Variants in RNF150 observed in about 807,000 individuals in gnomAD.
The protein encoded by RNF150 is ring finger protein 150.
In RNF150, 24 loss-of-function variants were observed where a neutral mutation model predicts 39.3. That is an observed-to-expected ratio of 0.61 (90% CI 0.44 to 0.86). RNF150 has a LOEUF of 0.86. Ranked by LOEUF, RNF150 falls within the 40% of genes least tolerant of loss-of-function variation. The probability of loss-of-function intolerance (pLI) is 0.00; values close to 1 mark genes in which losing one functional copy is unlikely to be tolerated. For synonymous variants in RNF150, 255 were observed against 227.3 expected, an observed-to-expected ratio of 1.12 and a Z score of -1.10; for missense variants, 502 against 587.8, an observed-to-expected ratio of 0.85 and a Z score of 1.51.
chr4:141,066,241 G>GAA (rs34239483), intron 1 of RNF150, among the ~76,000 whole-genome samples: 131 of 146,406 alleles, frequency 8.9e-4, no homozygotes, highest in African/African-American at 3.3e-3. Context: ...GTATATGTGC[G>GAA]AAAAAAAAAA....
At chr4:140,957,388 A>C (rs1276558114) in intron 2 of RNF150, among the ~76,000 whole-genome samples, 6 of 152,070 alleles carry the variant, frequency 3.9e-5, no homozygotes, top group Admixed American at 1.3e-4. Flanking sequence ...GATCATTAAA[A>C]AGTCAGGAAA....
intron 1 of RNF150, among the ~76,000 whole-genome samples, chr4:140,973,368 A>G (rs1733536261): frequency 6.6e-6 from 1 of 152,180 alleles, no homozygotes; most frequent in Non-Finnish European, 1.5e-5. Context: ...TATTTGTAAT[A>G]CATGTACATT....
intron 1 of RNF150, among the ~76,000 whole-genome samples, chr4:140,999,431 G>T (rs948320955): frequency 6.6e-6 from 1 of 152,166 alleles, no homozygotes; most frequent in African/African-American, 2.4e-5. Flanking sequence ...TTCAGTCAAA[G>T]GTTTGAAGTC....
At chr4:141,110,503 GC>G (rs1452938003) in intron 1 of RNF150, among the ~76,000 whole-genome samples, 1 of 151,736 alleles carries the variant, frequency 6.6e-6, no homozygotes, top group Non-Finnish European at 1.5e-5. Flanking sequence ...GTGGTTCACT[GC>G]AGCCTAAAGC....
At chr4:141,199,841 G>C (rs541327640) in intron 1 of RNF150, among the ~76,000 whole-genome samples, 1 of 152,090 alleles carries the variant, frequency 6.6e-6, no homozygotes, top group Non-Finnish European at 1.5e-5. Flanking sequence ...GAAAACAGTA[G>C]AATTTCTACA....
At chr4:140,873,159 A>T (rs1729012760) in intron 6 of RNF150, among the ~76,000 whole-genome samples, 1 of 152,230 alleles carries the variant, frequency 6.6e-6, no homozygotes, top group Non-Finnish European at 1.5e-5. Context: ...GACATTTCAC[A>T]TACAAATTTA....
At position 141,132,482 on chromosome 4, in the gene RNF150, G is replaced by A. The variant is rs139504767; in HGVS notation, c.327C>T (p.Ala109=). The A allele has an allele frequency of 2.5e-6, 4 of 1,607,902 alleles. No individual in the cohort carries two copies. In the East Asian group the frequency reaches 6.7e-5, roughly 27 times the overall value. The change falls in exon 1 of 7, where the codon GCC becomes GCT. Residue 109 remains alanine, a synonymous_variant. Coordinates refer to ENST00000515673, the MANE Select transcript of RNF150 (RefSeq NM_020724.2). This position sits in a 1 kb window ranked among gnomAD's most constrained non-coding sequence, Gnocchi z 4.9. Reference sequence around the variant, plus strand: ...TCCAGTTCTTGCCGCGGGTCGGGGCGGCGAACTTGGTGTTGGGGTCGCAGG... The same window carrying A: ...TCCAGTTCTTGCCGCGGGTCGGGGCAGCGAACTTGGTGTTGGGGTCGCAGG... ...RLACDPNTKF[A]APTRGKNWIA...
chr4:141,043,436 C>A (rs560306171), intron 1 of RNF150, among the ~76,000 whole-genome samples: 1 of 152,048 alleles, frequency 6.6e-6, no homozygotes, highest in African/African-American at 2.4e-5. Context: ...TGCAAAATGG[C>A]TGAGCAAAAA....
At chr4:141,188,350 TC>T (rs1444268939) in intron 1 of RNF150, among the ~76,000 whole-genome samples, 1 of 152,162 alleles carries the variant, frequency 6.6e-6, no homozygotes, top group East Asian at 1.9e-4. Context: ...TTGAGGAGTA[TC>T]TTTGTGGTGT....
intron 1 of RNF150, among the ~76,000 whole-genome samples, chr4:141,189,725 C>A (rs949163612): frequency 3.3e-5 from 5 of 152,136 alleles, no homozygotes; most frequent in African/African-American, 1.2e-4. Context: ...ACTCCAGCCT[C>A]AGTAATGGCA....
chr4:140,926,268 C>G (rs897826385), intron 4 of RNF150, among the ~76,000 whole-genome samples, 195 bp from the exon 5 acceptor site: 1 of 152,092 alleles, frequency 6.6e-6, no homozygotes, highest in Non-Finnish European at 1.5e-5. Context: ...GTCTGGATCC[C>G]AAGACTGTCC....
At chr4:141,052,664 C>T (rs1736822359) in intron 1 of RNF150, among the ~76,000 whole-genome samples, 1 of 152,150 alleles carries the variant, frequency 6.6e-6, no homozygotes, top group Non-Finnish European at 1.5e-5. Flanking sequence ...GTGTGAGCCA[C>T]CACACCCAGT....
intron 4 of RNF150, among the ~76,000 whole-genome samples, chr4:140,935,727 G>A (rs763996024): frequency 2.6e-5 from 4 of 152,166 alleles, no homozygotes; most frequent in African/African-American, 4.8e-5. Context: ...AATGTGTAGA[G>A]TGAACTGTTG....
In RNF150 at chr4:140,899,945, T is replaced by TCTCTCTCTCC. The variant is rs1730117804; in HGVS notation, c.1198+11198_1198+11199insGGAGAGAGAG. On this transcript the variant is annotated intron_variant, in intron 6 of 6. Transcript: ENST00000515673. ...TCCTAGTAGGTTCTCTCTCTCACTTTCTCTCTCTCTCTCTCTCTCTCTCTC... is the reference window on the plus strand; with the variant it reads ...TCCTAGTAGGTTCTCTCTCTCACTTTCTCTCTCTCCCTCTCTCTCTCTCTCTCTCTCTCTC... Among the ~76,000 whole-genome samples the TCTCTCTCTCC allele has an allele frequency of 1.3e-4, 3 of 23,648 alleles. No homozygotes were observed. The Admixed American group carries it at 1.8e-3, about 15-fold the overall frequency. The allele number at this position is 23,648 out of a possible 152,430, so 15.5% of individuals were successfully genotyped here. A position where few individuals can be genotyped will look rare whatever the true frequency, so the allele number is the denominator to read the frequency against.
intron 1 of RNF150, among the ~76,000 whole-genome samples, chr4:141,071,074 C>G (rs1256994208): frequency 7.6e-6 from 1 of 131,746 alleles, no homozygotes; most frequent in Non-Finnish European, 1.6e-5. Context: ...GAGTTCATGT[C>G]CTTTGTAGGG....
chr4:140,997,713 T>C (rs114463999), intron 1 of RNF150, among the ~76,000 whole-genome samples: 11,075 of 150,986 alleles, frequency 0.073, 478 homozygotes, highest in Middle Eastern at 0.17. Flanking sequence ...TACACACACA[T>C]ATATGTGTGT....
Position 140,967,703 on chromosome 4 carries a change from G to A in RNF150, c.655C>T (p.Leu219=). Residue 219 remains leucine, a synonymous_variant, in exon 2 of 7, where the codon CTG becomes TTG. Coordinates refer to ENST00000515673, the MANE Select transcript of RNF150 (RefSeq NM_020724.2). ...AGCCATGCGAGGGAAATGATCATCA[G>A]GACAATGAAGGAGATGGAGACAAAC... ...VVFVSISFIV[L]MIISLAWLVF... 4 of 1,613,480 alleles carry A rather than the reference G, an allele frequency of 2.5e-6. No homozygotes were observed. Among genetic ancestry groups the A allele is most frequent in the Non-Finnish European group, 3.4e-6 (4 of 1,179,584 alleles).
At chr4:140,923,803 G>A (rs1406934175) in intron 5 of RNF150, among the ~76,000 whole-genome samples, 1 of 152,156 alleles carries the variant, frequency 6.6e-6, no homozygotes, top group Non-Finnish European at 1.5e-5. Context: ...AAAAAATGAT[G>A]AGCTCATGTC....
intron 5 of RNF150, among the ~76,000 whole-genome samples, chr4:140,925,691 G>A (rs928477092): frequency 6.6e-6 from 1 of 152,120 alleles, no homozygotes; most frequent in Non-Finnish European, 1.5e-5. Context: ...CGTCCCACCT[G>A]CCCTCCCATG....
Sources: allele counts gnomAD v4.1 joint callset (sites outside exome capture counted in the v4.1 genomes callset), GRCh38; gene constraint gnomAD v4.1.1; non-coding constraint Gnocchi (gnomAD v3.1); transcripts MANE v1.5; gene names NCBI Gene and HGNC (gene_info 2026-07-23, HGNC 2026-07-21).